HADHA: variants seen among roughly 807,000 people sequenced by gnomAD.
HADHA encodes trifunctional enzyme subunit alpha, mitochondrial.
A neutral mutation model predicts 91.3 loss-of-function variants in HADHA; 59 were observed. The ratio of observed to expected loss-of-function variants is 0.65; its 90% CI spans 0.52 to 0.80. The LOEUF (loss-of-function observed/expected upper bound fraction) is 0.80, where lower values mean the gene tolerates loss of function less well. Among genes scored for constraint, HADHA ranks in the 30% least tolerant of loss-of-function variants. The pLI is 0.00. For synonymous variants in HADHA, 320 were observed against 338.9 expected (o/e 0.94, Z 0.61); for missense variants, 800 against 927.6 (o/e 0.86, Z 1.79).
At chr2:26,231,528 A>G (rs1398263359) in intron 6 of HADHA, among the ~76,000 whole-genome samples, 1 of 152,252 alleles carries the variant, frequency 6.6e-6, no homozygotes, top group Non-Finnish European at 1.5e-5. Flanking sequence ...TGAAATATTA[A>G]TATGACTCAT....
chr2:26,236,416 G>GTATA (rs1159778852), intron 4 of HADHA, among the ~76,000 whole-genome samples: 17 of 113,840 alleles, frequency 1.5e-4, no homozygotes, highest in Admixed American at 6.8e-4. Context: ...GTGTGTGTGT[G>GTATA]TGTGTATATA....
intron 3 of HADHA, among the ~76,000 whole-genome samples, chr2:26,237,888 T>TA (rs1400663644): frequency 1.3e-5 from 2 of 152,222 alleles, no homozygotes; most frequent in Non-Finnish European, 2.9e-5. Flanking sequence ...AATCATTGGT[T>TA]AGTGAGTGCT....
intron 1 of HADHA, 43 bp downstream of exon 1, chr2:26,244,484 CAGG>C (rs1671025382): frequency 2.6e-6 from 4 of 1,546,108 alleles, no homozygotes; most frequent in Non-Finnish European, 3.5e-6. Context: ...CCAGTCCCGG[CAGG>C]AGTTCTGCCC....
chr2:26,219,608 G>A (rs1305230790), intron 7 of HADHA, among the ~76,000 whole-genome samples: 2 of 152,150 alleles, frequency 1.3e-5, no homozygotes, highest in African/African-American at 4.8e-5. Flanking sequence ...AAATTACAGT[G>A]GGAACTGCTA....
chr2:26,233,729 C>T (rs1670680490), intron 5 of HADHA, among the ~76,000 whole-genome samples: 1 of 152,184 alleles, frequency 6.6e-6, no homozygotes, highest in South Asian at 2.1e-4. Flanking sequence ...TTGCTTTGTG[C>T]CACTTGCTCT....
chr2:26,198,886 C>T (rs1669753659), intron 13 of HADHA, among the ~76,000 whole-genome samples: 1 of 151,030 alleles, frequency 6.6e-6, no homozygotes, highest in Non-Finnish European at 1.5e-5. Context: ...CCTATATCTA[C>T]AAAACATAAC....
intron 11 of HADHA, among the ~76,000 whole-genome samples, chr2:26,205,478 A>T (rs1375297245): frequency 6.6e-6 from 1 of 152,216 alleles, no homozygotes; most frequent in African/African-American, 2.4e-5. Flanking sequence ...GAAACAAAAA[A>T]TAGGGACTGA....
chr2:26,230,403 A>C, intron 6 of HADHA, 109 bp from the exon 7 acceptor site: 3 of 763,478 alleles, frequency 3.9e-6, no homozygotes, highest in Non-Finnish European at 7.0e-6. Flanking sequence ...AAGTCAAGCC[A>C]TATGTTTATG....
chr2:26,241,576 G>A (rs532585913), intron 1 of HADHA, among the ~76,000 whole-genome samples: 7 of 151,810 alleles, frequency 4.6e-5, no homozygotes, highest in Non-Finnish European at 7.4e-5. Flanking sequence ...ACTTGAACCC[G>A]GGAGGCGGAG....
intron 11 of HADHA, 145 bp from the exon 12 acceptor site, chr2:26,204,341 C>A (rs1669923717): frequency 1.2e-6 from 1 of 804,554 alleles, no homozygotes; most frequent in East Asian, 2.6e-5. Context: ...ATTAAAAACA[C>A]AGCTTTAATA....
chr2:26,236,523 A>AT (rs1670765867), intron 4 of HADHA, among the ~76,000 whole-genome samples: 2 of 150,416 alleles, frequency 1.3e-5, no homozygotes, highest in African/African-American at 4.9e-5. Context: ...GGTTCAAGGG[A>AT]TTTTCGTGCC....
intron 14 of HADHA, 120 bp from the exon 15 acceptor site, chr2:26,195,352 G>T: frequency 1.1e-6 from 1 of 880,116 alleles, no homozygotes. Flanking sequence ...AATACTGCTT[G>T]ACATAGCTGA....
At chr2:26,218,497 A>C (rs923061652) in intron 7 of HADHA, among the ~76,000 whole-genome samples, 4 of 152,172 alleles carry the variant, frequency 2.6e-5, no homozygotes, top group Admixed American at 6.5e-5. Flanking sequence ...AAAGGATAAA[A>C]AGCACTAAAA....
chr2:26,205,498 C>CT (rs1245979463), intron 11 of HADHA, among the ~76,000 whole-genome samples: 1 of 152,170 alleles, frequency 6.6e-6, no homozygotes, highest in Admixed American at 6.5e-5. Context: ...AAAAAAAAGA[C>CT]TGATACATTT....
intron 12 of HADHA, among the ~76,000 whole-genome samples, chr2:26,203,415 C>T (rs1298634507): frequency 6.6e-6 from 1 of 152,170 alleles, no homozygotes; most frequent in African/African-American, 2.4e-5. Flanking sequence ...CTCTGCAAAA[C>T]AGGCAGCATG....
In HADHA at chr2:26,230,230, T is replaced by C. The variant is rs200113796; in HGVS notation, c.638A>G (p.Lys213Arg). 1 of 1,613,664 alleles carries C rather than the reference T, an allele frequency of 6.2e-7. No individual in the cohort carries two copies. Among genetic ancestry groups the C allele is most frequent in the Non-Finnish European group, 8.5e-7 (1 of 1,179,596 alleles). The change falls in exon 7 of 20, where the codon AAG becomes AGG. Residue 213 changes from lysine (K) to arginine (R), a missense_variant. Transcript: ENST00000380649. ...TGRSIRADRA[K>R]KMGLVDQLVE... ...CAGTTGGTCAACCAGTCCCATTTTC[T>C]TTGCCCTGTCTGCACGAATGCTTCT...
chr2:26,236,163 T>C (rs1056598073), intron 4 of HADHA, among the ~76,000 whole-genome samples: 16 of 152,230 alleles, frequency 1.1e-4, no homozygotes, highest in Non-Finnish European at 1.5e-5. Flanking sequence ...ATCTAGTTAA[T>C]TCCTTTTACC....
chr2:26,201,368 G>A (rs758931631), intron 12 of HADHA, 48 bp from the exon 13 acceptor site: 13 of 1,327,690 alleles, frequency 9.8e-6, no homozygotes, highest in East Asian at 4.6e-5. Flanking sequence ...GGAAACTAAC[G>A]TTTATTGAAT....
chr2:26,193,992 C>T (rs766393274), intron 16 of HADHA, among the ~76,000 whole-genome samples: 6 of 152,172 alleles, frequency 3.9e-5, no homozygotes, highest in Admixed American at 6.6e-5. Context: ...ACTTTAAGGA[C>T]GTTTAGAGAT....
Sources: gnomAD v4.1 joint callset for allele counts (sites outside exome capture counted in the v4.1 genomes callset) on GRCh38, gnomAD v4.1.1 for gene constraint, MANE v1.5 for transcripts, NCBI Gene and HGNC (gene_info 2026-07-23, HGNC 2026-07-21) for gene names.